The following ITGA9 variants were observed in gnomAD, a reference collection of about 807,000 sequenced individuals.
ITGA9 encodes the protein integrin alpha-9.
In ITGA9, 56 loss-of-function variants were observed where a neutral mutation model predicts 127.8. The observed-to-expected ratio is 0.44, with a 90% CI of 0.35 to 0.55. The LOEUF is 0.55. ITGA9 is among the 20% of genes least tolerant of loss of function. The pLI, the probability that ITGA9 is intolerant of heterozygous loss-of-function variation, is 0.00. For synonymous variants in ITGA9, 508 were observed against 514.5 expected, an observed-to-expected ratio of 0.99 and a Z score of 0.17; for missense variants, 1,196 against 1,347.1, an observed-to-expected ratio of 0.89 and a Z score of 1.76.
intron 1 of ITGA9, among the ~76,000 whole-genome samples, chr3:37,456,758 G>A (rs1423393473): frequency 6.6e-6 from 1 of 152,220 alleles, no homozygotes; most frequent in Non-Finnish European, 1.5e-5. Context: ...CCAAGCCAAG[G>A]AGAACATATC....
At chr3:37,773,044 C>T (rs745726510) in intron 23 of ITGA9, among the ~76,000 whole-genome samples, 6 of 152,234 alleles carry the variant, frequency 3.9e-5, no homozygotes, top group Non-Finnish European at 8.8e-5. Context: ...CCTTTCCCAG[C>T]TCCCTGCCCC....
intron 16 of ITGA9, among the ~76,000 whole-genome samples, chr3:37,644,577 A>G (rs1357170292): frequency 1.3e-5 from 2 of 152,216 alleles, no homozygotes. Flanking sequence ...TCCCATGAAT[A>G]TATACCATGT....
intron 13 of ITGA9, among the ~76,000 whole-genome samples, chr3:37,532,270 A>G (rs777478109): frequency 9.2e-5 from 14 of 152,082 alleles, no homozygotes; most frequent in Non-Finnish European, 1.5e-4. Flanking sequence ...CCCTCACCCT[A>G]TCTGTGCCTC....
At chr3:37,482,539 C>T (rs965891545) in intron 4 of ITGA9, among the ~76,000 whole-genome samples, 3 of 152,146 alleles carry the variant, frequency 2.0e-5, no homozygotes, top group East Asian at 1.9e-4. Flanking sequence ...TTCTTAATTC[C>T]CCTCCTACTT....
At chr3:37,561,919 C>T (rs1241160911) in intron 15 of ITGA9, among the ~76,000 whole-genome samples, 1 of 152,144 alleles carries the variant, frequency 6.6e-6, no homozygotes, top group Non-Finnish European at 1.5e-5. Flanking sequence ...AGTAAGCAAG[C>T]ACTATTGTGC....
At chr3:37,559,579 A>C (rs1450422301) in intron 15 of ITGA9, among the ~76,000 whole-genome samples, 1 of 152,218 alleles carries the variant, frequency 6.6e-6, no homozygotes, top group Admixed American at 6.5e-5. Context: ...TCTTTGTTTA[A>C]TAACAAAGAG....
At chr3:37,796,820 T>C (rs1697179519) in intron 26 of ITGA9, among the ~76,000 whole-genome samples, 3 of 152,210 alleles carry the variant, frequency 2.0e-5, no homozygotes, top group Admixed American at 6.5e-5. Context: ...TTGGTTCAGG[T>C]GACAGGAATG....
intron 18 of ITGA9, among the ~76,000 whole-genome samples, chr3:37,691,655 G>C (rs1489502884): frequency 6.6e-6 from 1 of 152,188 alleles, no homozygotes; most frequent in Non-Finnish European, 1.5e-5. Flanking sequence ...CAGCCTGGCT[G>C]TTTTCCGTAT....
intron 27 of ITGA9, among the ~76,000 whole-genome samples, chr3:37,811,465 G>A (rs1697367778): frequency 6.6e-6 from 1 of 152,172 alleles, no homozygotes; most frequent in African/African-American, 2.4e-5. Flanking sequence ...TCTGTGGAAA[G>A]AATGAAGATG....
intron 18 of ITGA9, among the ~76,000 whole-genome samples, chr3:37,695,696 C>T (rs1700877995): frequency 6.6e-6 from 1 of 152,200 alleles, no homozygotes; most frequent in Admixed American, 6.5e-5. Context: ...AACTCAGGCA[C>T]CTGAGCATAA....
intron 27 of ITGA9, among the ~76,000 whole-genome samples, chr3:37,817,810 G>C (rs1046928355): frequency 1.3e-5 from 2 of 152,176 alleles, no homozygotes; most frequent in African/African-American, 4.8e-5. Flanking sequence ...TATGTGAAAA[G>C]TTGTAAGACC....
intron 14 of ITGA9, among the ~76,000 whole-genome samples, chr3:37,534,555 C>T (rs1290895492): frequency 6.6e-6 from 1 of 152,264 alleles, no homozygotes; most frequent in Non-Finnish European, 1.5e-5. Flanking sequence ...TCAGCCACAC[C>T]TCAAATGTTC....
At chr3:37,558,672 G>A (rs1176204382) in intron 15 of ITGA9, among the ~76,000 whole-genome samples, 3 of 152,186 alleles carry the variant, frequency 2.0e-5, no homozygotes, top group South Asian at 2.1e-4. Context: ...TGGGCCCGGG[G>A]CAGATGGAGA....
chr3:37,454,591 A>G (rs930461780), intron 1 of ITGA9, among the ~76,000 whole-genome samples: 7 of 152,202 alleles, frequency 4.6e-5, no homozygotes, highest in African/African-American at 1.4e-4. Context: ...TTGTTCTGAT[A>G]CAAGCTGGCT....
At chr3:37,673,127 GA>G (rs1268926999) in intron 17 of ITGA9, among the ~76,000 whole-genome samples, 3 of 152,120 alleles carry the variant, frequency 2.0e-5, no homozygotes, top group Non-Finnish European at 4.4e-5. Flanking sequence ...CAGCAAGACA[GA>G]AACAGTTTCC....
intron 18 of ITGA9, among the ~76,000 whole-genome samples, chr3:37,726,229 A>G (rs1408764979): frequency 6.6e-6 from 1 of 152,260 alleles, no homozygotes; most frequent in Admixed American, 6.5e-5. Context: ...CCAGCCCACA[A>G]GGGTCACGCT....
chr3:37,817,718 A>G (rs891817633), intron 27 of ITGA9, among the ~76,000 whole-genome samples: 2 of 152,190 alleles, frequency 1.3e-5, no homozygotes, highest in Non-Finnish European at 1.5e-5. Flanking sequence ...CATGGGAGGA[A>G]AGGTAAGCTT....
intron 15 of ITGA9, among the ~76,000 whole-genome samples, chr3:37,565,405 A>G (rs1451401308): frequency 2.0e-5 from 3 of 152,174 alleles, no homozygotes; most frequent in African/African-American, 4.8e-5. Flanking sequence ...AAGACAAGCA[A>G]TGGGTAAGAA....
chr3:37,533,358 G>T lies in ITGA9; in HGVS notation c.1418G>T (p.Gly473Val). 6.2e-7 allele frequency: 1 copy of T among 1,614,154 alleles called. No homozygotes were observed. Among genetic ancestry groups the T allele is most frequent in the Non-Finnish European group, 8.5e-7 (1 of 1,180,022 alleles). ...ITVDVSIFLP[G>V]SINITAPQCH... ...GTGGATGTCTCCATCTTCCTCCCGG[G>T]CTCCATCAACATCACAGCGCCTCAG... is the stretch of plus-strand genomic sequence containing the variant. Residue 473 changes from glycine (G) to valine (V), a missense_variant, in exon 14 of 28, where the codon GGC (glycine) becomes GTC (valine). Physicochemically the swap from Gly to Val is moderately radical, Grantham distance 109 (BLOSUM62 -3). Coordinates refer to ENST00000264741, the MANE Select transcript of ITGA9 (RefSeq NM_002207.3).
Sources: gnomAD v4.1 joint callset for allele counts (sites outside exome capture counted in the v4.1 genomes callset) on GRCh38, gnomAD v4.1.1 for gene constraint, MANE v1.5 for transcripts, NCBI Gene and HGNC (gene_info 2026-07-23, HGNC 2026-07-21) for gene names.